The following BNC2 variants were observed in gnomAD, a reference collection of about 807,000 sequenced individuals.
BNC2 encodes the protein basonuclin zinc finger protein 2, also known as zinc finger protein basonuclin-2.
BNC2 carries 20 observed loss-of-function variants against 76.3 expected under a neutral mutation model. That is an observed-to-expected ratio of 0.26 (90% confidence interval 0.18 to 0.38). The LOEUF is 0.38. Among genes scored for constraint, BNC2 ranks in the 10% least tolerant of loss-of-function variants. The pLI, the probability that BNC2 is intolerant of heterozygous loss-of-function variation, is 1.00. For synonymous variants in BNC2, 582 were observed against 514.8 expected, an observed-to-expected ratio of 1.13 and a Z score of -1.77; for missense variants, 1,382 against 1,399.8, an observed-to-expected ratio of 0.99 and a Z score of 0.20.
At chr9:16,693,765 G>C (rs982224444) in intron 3 of BNC2, among the ~76,000 whole-genome samples, 11 of 152,316 alleles carry the variant, frequency 7.2e-5, no homozygotes, top group Admixed American at 3.9e-4. Context: ...AAAAGCTTAC[G>C]AGAAAAAGCC....
At chr9:16,651,907 T>G (rs1821804918) in intron 3 of BNC2, among the ~76,000 whole-genome samples, 1 of 152,150 alleles carries the variant, frequency 6.6e-6, no homozygotes, top group African/African-American at 2.4e-5. Flanking sequence ...AAATAAAAAA[T>G]AGAGTGTTAA....
At position 16,595,341 on chromosome 9, in the gene BNC2, T is replaced by C. The variant is rs1318390455; in HGVS notation, c.331-12256A>G. 2.0e-5 allele frequency among the ~76,000 whole-genome samples: 3 copies of C among 152,156 alleles called. No individual in the cohort carries two copies. The East Asian group carries it at 5.8e-4, about 29-fold the overall frequency. ...GTATCAGCAAAGGAATCATACCTGT[T>C]ACAAATAATAATAGTGATATGATGA... On this transcript the variant is annotated intron_variant, in intron 3 of 6. Transcript: ENST00000380672.
At chr9:16,494,183 T>C (rs1822337105) in intron 5 of BNC2, among the ~76,000 whole-genome samples, 1 of 152,128 alleles carries the variant, frequency 6.6e-6, no homozygotes, top group African/African-American at 2.4e-5. Flanking sequence ...AGACGGAGTC[T>C]TGCTCTGTCA....
At chr9:16,766,216 A>G (rs1825689111) in intron 1 of BNC2, among the ~76,000 whole-genome samples, 2 of 152,114 alleles carry the variant, frequency 1.3e-5, no homozygotes, top group Non-Finnish European at 2.9e-5. Context: ...TGTGCTTTTA[A>G]TGTAGTTTTT....
intron 3 of BNC2, among the ~76,000 whole-genome samples, chr9:16,682,040 A>G (rs2134304846): frequency 6.6e-6 from 1 of 152,134 alleles, no homozygotes; most frequent in East Asian, 1.9e-4. Flanking sequence ...GAAAAAAAAA[A>G]GAGAGAGTGA....
chr9:16,692,962 T>G (rs1349859508), intron 3 of BNC2, among the ~76,000 whole-genome samples: 1 of 151,614 alleles, frequency 6.6e-6, no homozygotes, highest in Admixed American at 6.6e-5. Flanking sequence ...AAACTCCGTC[T>G]CTACTAAAAA....
At chr9:16,489,174 T>C (rs533203031) in intron 5 of BNC2, among the ~76,000 whole-genome samples, 2 of 152,338 alleles carry the variant, frequency 1.3e-5, no homozygotes, top group East Asian at 1.9e-4. Context: ...GTTCAACATA[T>C]TACCAATACA....
chr9:16,785,340 C>G (rs949070742), intron 1 of BNC2, among the ~76,000 whole-genome samples: 2 of 152,060 alleles, frequency 1.3e-5, no homozygotes, highest in African/African-American at 2.4e-5. Context: ...ACTGAGGCCA[C>G]GGGGAAAGTA....
chr9:16,551,739 C>A (rs1818670094), intron 5 of BNC2, among the ~76,000 whole-genome samples: 1 of 152,158 alleles, frequency 6.6e-6, no homozygotes, highest in African/African-American at 2.4e-5. Context: ...AGACAGATAG[C>A]CATAAACACA....
intron 5 of BNC2, among the ~76,000 whole-genome samples, chr9:16,506,131 T>C (rs1355824880): frequency 1.3e-5 from 2 of 152,112 alleles, no homozygotes; most frequent in African/African-American, 4.8e-5. Flanking sequence ...AAAACTTGGA[T>C]GGAAATTGTA....
At chr9:16,856,155 C>CA (rs1819250601) in intron 1 of BNC2, among the ~76,000 whole-genome samples, 1 of 151,928 alleles carries the variant, frequency 6.6e-6, no homozygotes, top group South Asian at 2.1e-4. Flanking sequence ...CCTTCCCCTC[C>CA]AAAAAAATTT....
intron 1 of BNC2, among the ~76,000 whole-genome samples, chr9:16,844,400 A>G (rs1818911619): frequency 6.6e-6 from 1 of 152,030 alleles, no homozygotes; most frequent in South Asian, 2.1e-4. Flanking sequence ...CACACCTTAA[A>G]AAAAATCAAC....
intron 3 of BNC2, among the ~76,000 whole-genome samples, chr9:16,628,581 C>T (rs1821066911): frequency 6.6e-6 from 1 of 152,102 alleles, no homozygotes; most frequent in African/African-American, 2.4e-5. Context: ...CAGGATCCAG[C>T]TACTTACAGA....
chr9:16,574,442 G>C (rs756946585), intron 4 of BNC2, among the ~76,000 whole-genome samples: 35 of 152,242 alleles, frequency 2.3e-4, no homozygotes, highest in South Asian at 4.1e-4. Context: ...TTCTCAAAAT[G>C]ACTTTTGGTG....
chr9:16,525,823 C>G (rs749079048), intron 5 of BNC2, among the ~76,000 whole-genome samples: 1 of 152,180 alleles, frequency 6.6e-6, no homozygotes, highest in Admixed American at 6.5e-5. Flanking sequence ...TTTACATGCA[C>G]AGACTATTTC....
intron 1 of BNC2, among the ~76,000 whole-genome samples, chr9:16,776,788 G>A (rs760863741): frequency 3.3e-5 from 5 of 152,186 alleles, no homozygotes; most frequent in African/African-American, 7.2e-5. Context: ...AATAATAAGG[G>A]TCAATTGAAA....
intron 5 of BNC2, among the ~76,000 whole-genome samples, chr9:16,503,374 G>T (rs2131813460): frequency 6.6e-6 from 1 of 152,130 alleles, no homozygotes; most frequent in South Asian, 2.1e-4. Context: ...TAACAATCCT[G>T]TGCCTACTCT....
chr9:16,460,674 G>A (rs1176537799), intron 5 of BNC2, among the ~76,000 whole-genome samples: 1 of 152,086 alleles, frequency 6.6e-6, no homozygotes, highest in Non-Finnish European at 1.5e-5. Context: ...TATGAGGCAT[G>A]GAGTCACAGA....
intron 3 of BNC2, among the ~76,000 whole-genome samples, chr9:16,635,018 C>T (rs190764511): frequency 4.6e-5 from 7 of 152,164 alleles, no homozygotes; most frequent in African/African-American, 1.7e-4. Flanking sequence ...AATTACATAC[C>T]GTATACTCCA....
Sources: allele counts gnomAD v4.1 joint callset (sites outside exome capture counted in the v4.1 genomes callset), GRCh38; gene constraint gnomAD v4.1.1; transcripts MANE v1.5; gene names NCBI Gene and HGNC (gene_info 2026-07-23, HGNC 2026-07-21).